Variants in ZNF521 observed in about 807,000 individuals in gnomAD.
ZNF521 encodes the protein LYST-interacting protein 3.
In ZNF521, 14 loss-of-function variants were observed where a neutral mutation model predicts 105.5. The ratio of observed to expected loss-of-function variants is 0.13; its 90% CI spans 0.09 to 0.21. The LOEUF is 0.21. ZNF521 is among the 10% of genes least tolerant of loss of function. ZNF521 has a pLI of 1.00. For synonymous variants in ZNF521, 635 were observed against 606.0 expected, an observed-to-expected ratio of 1.05 and a Z score of -0.70; for missense variants, 1,233 against 1,629.7, an observed-to-expected ratio of 0.76 and a Z score of 4.19.
intron 5 of ZNF521, among the ~76,000 whole-genome samples, chr18:25,191,496 T>C (rs2035817436): frequency 6.6e-6 from 1 of 152,310 alleles, no homozygotes; most frequent in East Asian, 1.9e-4. Flanking sequence ...CATGAGACAG[T>C]TGTTTGTGGC....
chr18:25,350,088 AG>A (rs996525961), intron 2 of ZNF521, among the ~76,000 whole-genome samples: 38 of 152,046 alleles, frequency 2.5e-4, no homozygotes, highest in African/African-American at 8.9e-4. Flanking sequence ...ATTCCAACAC[AG>A]CCATCAGATC....
chr18:25,182,147 T>C (rs1483933702), intron 5 of ZNF521, among the ~76,000 whole-genome samples: 2 of 152,104 alleles, frequency 1.3e-5, no homozygotes, highest in African/African-American at 2.4e-5. Context: ...GATTCAAAAA[T>C]TGCAAAACTT....
intron 3 of ZNF521, among the ~76,000 whole-genome samples, chr18:25,304,258 G>A (rs1056617487): frequency 6.6e-6 from 1 of 152,176 alleles, no homozygotes; most frequent in African/African-American, 2.4e-5. Flanking sequence ...ACATATTTCT[G>A]TTGAATTAAG....
chr18:25,338,259 T>TG (rs769552251), intron 2 of ZNF521, among the ~76,000 whole-genome samples: 3 of 136,510 alleles, frequency 2.2e-5, no homozygotes, highest in Non-Finnish European at 3.1e-5. Flanking sequence ...TCATAGACTT[T>TG]TGTGTGTGTG....
intron 5 of ZNF521, among the ~76,000 whole-genome samples, chr18:25,166,962 TC>T (rs2035353595): frequency 6.6e-6 from 1 of 152,216 alleles, no homozygotes; most frequent in Non-Finnish European, 1.5e-5. Context: ...TTACTTTTTT[TC>T]ATTAACTAAT....
intron 3 of ZNF521, among the ~76,000 whole-genome samples, chr18:25,244,592 A>G (rs1023147812): frequency 1.3e-5 from 2 of 152,214 alleles, no homozygotes; most frequent in Admixed American, 6.5e-5. Context: ...CATTTCCTTA[A>G]TGAAAACTCA....
intron 3 of ZNF521, among the ~76,000 whole-genome samples, chr18:25,321,346 T>C (rs991638720): frequency 6.6e-6 from 1 of 152,244 alleles, no homozygotes; most frequent in African/African-American, 2.4e-5. Context: ...AAACATGCTA[T>C]GCAACATGTT....
At chr18:25,095,405 GA>G (rs1242373229) in intron 5 of ZNF521, among the ~76,000 whole-genome samples, 3 of 152,138 alleles carry the variant, frequency 2.0e-5, no homozygotes, top group Non-Finnish European at 1.5e-5. Context: ...TTATTAAAAA[GA>G]GATTCAGAGT....
intron 3 of ZNF521, among the ~76,000 whole-genome samples, chr18:25,286,654 A>AT (rs1222227362): frequency 1.3e-5 from 2 of 152,260 alleles, no homozygotes; most frequent in African/African-American, 4.8e-5. Flanking sequence ...AATAATCTCT[A>AT]TTTTTTCATT....
At chr18:25,308,686 A>AT (rs549479971) in intron 3 of ZNF521, among the ~76,000 whole-genome samples, 2 of 110,530 alleles carry the variant, frequency 1.8e-5, no homozygotes, top group African/African-American at 7.1e-5. Context: ...CTCCAAAATT[A>AT]TTTTTTTTCT....
At position 25,227,345 on chromosome 18, in the gene ZNF521, G is replaced by A. The variant is rs1906231009; in HGVS notation, c.573C>T (p.Ile191=). ...TGTTGGACGTGTGAGTCTTTAAGTGGATCTTCAAGTGATCACTTCTGGAAA... is the reference window on the plus strand; with the variant it reads ...TGTTGGACGTGTGAGTCTTTAAGTGAATCTTCAAGTGATCACTTCTGGAAA... The part of the protein sequence containing the change: ...AAFSRSDHLK[I]HLKTHTSNKP... The change falls in exon 4 of 8, where the codon ATC becomes ATT. Residue 191 remains isoleucine (I), a synonymous_variant. Transcript: ENST00000361524. The surrounding 1 kb of genome is among the most constrained non-coding windows in gnomAD (Gnocchi z 5.7). The A allele has an allele frequency of 6.2e-7, 1 of 1,614,116 alleles. No individual in the cohort carries two copies. Among genetic ancestry groups the A allele is most frequent in the Middle Eastern group, 1.6e-4 (1 of 6,062 alleles).
chr18:25,221,133 A>C (rs1905695483), intron 4 of ZNF521, among the ~76,000 whole-genome samples: 1 of 152,242 alleles, frequency 6.6e-6, no homozygotes, highest in African/African-American at 2.4e-5. Flanking sequence ...ATTTAGATTA[A>C]TAATCTGAGG....
chr18:25,347,458 C>T (rs1914514728), intron 2 of ZNF521, among the ~76,000 whole-genome samples: 1 of 152,110 alleles, frequency 6.6e-6, no homozygotes, highest in Non-Finnish European at 1.5e-5. Context: ...AAATATATTT[C>T]CAGCTTTTAC....
chr18:25,157,391 C>T (rs918400145), intron 5 of ZNF521, among the ~76,000 whole-genome samples: 3 of 152,130 alleles, frequency 2.0e-5, no homozygotes, highest in African/African-American at 7.2e-5. Flanking sequence ...AGATGTGATT[C>T]AGTATAACTT....
chr18:25,101,351 C>T (rs1439817271), intron 5 of ZNF521, among the ~76,000 whole-genome samples: 1 of 152,066 alleles, frequency 6.6e-6, no homozygotes, highest in Non-Finnish European at 1.5e-5. Context: ...TAGAATCAAT[C>T]CCCTGCATAT....
intron 5 of ZNF521, among the ~76,000 whole-genome samples, chr18:25,156,763 T>C (rs1036762409): frequency 6.6e-6 from 1 of 152,084 alleles, no homozygotes; most frequent in Non-Finnish European, 1.5e-5. Context: ...ACTAAAAAGG[T>C]AAATAGCAAA....
intron 5 of ZNF521, among the ~76,000 whole-genome samples, chr18:25,093,557 T>TA (rs1189980683): frequency 6.6e-6 from 1 of 152,164 alleles, no homozygotes; most frequent in African/African-American, 2.4e-5. Flanking sequence ...TAACTGTGAG[T>TA]AAAATCACTC....
chr18:25,195,060 A>C, intron 5 of ZNF521, 100 bp downstream of exon 5: 1 of 962,110 alleles, frequency 1.0e-6, no homozygotes, highest in East Asian at 2.7e-5. Flanking sequence ...AGGAAAAACA[A>C]TGATGGTTGA....
chr18:25,103,257 T>C (rs1567962709), intron 5 of ZNF521, among the ~76,000 whole-genome samples: 1 of 152,028 alleles, frequency 6.6e-6, no homozygotes, highest in African/African-American at 2.4e-5. Context: ...TGTGATGGAG[T>C]GGCTGAACGC....
Sources: gnomAD v4.1 joint callset for allele counts (sites outside exome capture counted in the v4.1 genomes callset) on GRCh38, gnomAD v4.1.1 for gene constraint, Gnocchi (gnomAD v3.1) non-coding constraint, MANE v1.5 for transcripts, NCBI Gene and HGNC (gene_info 2026-07-23, HGNC 2026-07-21) for gene names.